The following AXIN1 variants were observed in gnomAD, a reference collection of about 807,000 sequenced individuals.
AXIN1 encodes axin 1.
A neutral mutation model predicts 76.4 loss-of-function variants in AXIN1; 30 were observed. That is an observed-to-expected ratio of 0.39 (90% CI 0.29 to 0.53). The LOEUF is 0.53. Ranked by LOEUF, AXIN1 falls within the 20% of genes least tolerant of loss-of-function variation. AXIN1 has a pLI of 0.66. For synonymous variants in AXIN1, 545 were observed against 501.4 expected (o/e 1.09, Z -1.16); for missense variants, 1,140 against 1,198.8 (o/e 0.95, Z 0.72).
chr16:339,335 C>T (rs1264106919), intron 2 of AXIN1, among the ~76,000 whole-genome samples: 2 of 147,380 alleles, frequency 1.4e-5, no homozygotes, highest in Non-Finnish European at 3.0e-5. Context: ...AACCCCGTCT[C>T]TACTAAAAAT....
rs780227196 is a variant in AXIN1 at position 298,089 on chromosome 16, C to T, written c.1417G>A (p.Glu473Lys). ...HEENPESILDEHVQRVLRTPG... is the reference protein window; with the variant it reads ...HEENPESILDKHVQRVLRTPG... ...GTCCTCAGCACACGCTGTACGTGCT[C>T]GTCCAGGATGCTCTCAGGGTTCTCC... The change falls in exon 6 of 11, where the codon GAG (glutamate) becomes AAG (lysine). Residue 473 changes from glutamate (E) to lysine (K), a missense_variant. Transcript: ENST00000262320. 4.5e-6 allele frequency: 7 copies of T among 1,553,598 alleles called. No homozygotes were observed. The highest frequency in any genetic ancestry group is 6.1e-6 in the Non-Finnish European group (7 of 1,153,304).
In AXIN1 at chr16:315,556, G is replaced by A. The variant is rs922568393; in HGVS notation, c.879-873C>T. Among the ~76,000 whole-genome samples, 4 of 152,128 alleles carry A rather than the reference G, an allele frequency of 2.6e-5. No individual in the cohort carries two copies. The East Asian group carries it at 5.8e-4, about 22-fold the overall frequency. ...CTATGAAATCAGACAGGCCGGGTGC[G>A]GTGGCTCATGCCTTTAATCCCAGCA... On this transcript the variant is annotated intron_variant, in intron 2 of 10. Transcript: ENST00000262320.
chr16:296,934 G>C, intron 7 of AXIN1, 122 bp downstream of exon 7: 1 of 1,223,834 alleles, frequency 8.2e-7, no homozygotes, highest in Non-Finnish European at 1.2e-6. Context: ...AGTGACAGGG[G>C]AAGTGTGAGG....
At chr16:349,234 G>T (rs576767003) in intron 1 of AXIN1, among the ~76,000 whole-genome samples, 1 of 152,292 alleles carries the variant, frequency 6.6e-6, no homozygotes, top group Admixed American at 6.5e-5. Context: ...AACGCTGCTG[G>T]GTAGTATGTC....
chr16:322,935 C>T (rs1284083676), intron 2 of AXIN1, among the ~76,000 whole-genome samples: 1 of 152,216 alleles, frequency 6.6e-6, no homozygotes, highest in Non-Finnish European at 1.5e-5. Context: ...GGAAGGGGCT[C>T]TGGCACCAGA....
Position 346,588 on chromosome 16 carries a change from T to G in AXIN1, c.438A>C (p.Arg146=). 1.6e-5 allele frequency: 25 copies of G among 1,609,124 alleles called. No homozygotes were observed. Among genetic ancestry groups the G allele is most frequent in the Non-Finnish European group, 2.0e-5 (23 of 1,176,508 alleles). The part of the protein sequence containing the change: ...KRLKLARAIY[R]KYILDNNGIV... ...TGCCATTGTTATCAAGAATGTACTT[T>G]CGGTAGATGGCTCTCGCCAGCTTCA... Residue 146 remains arginine, a synonymous_variant, in exon 2 of 11, where the codon CGA becomes CGC. Transcript: ENST00000262320.
At chr16:332,076 G>A (rs1484422088) in intron 2 of AXIN1, among the ~76,000 whole-genome samples, 1 of 152,104 alleles carries the variant, frequency 6.6e-6, no homozygotes, top group Non-Finnish European at 1.5e-5. Context: ...ATGGCCTGAC[G>A]CCTGACACAG....
In AXIN1 at chr16:326,311, A is replaced by G. The variant is rs552982088; in HGVS notation, c.879-11628T>C. Among the ~76,000 whole-genome samples, 1,067 of 138,374 alleles carry G rather than the reference A, an allele frequency of 7.7e-3. 9 individuals are homozygous for G. Among genetic ancestry groups the G allele is most frequent in the Non-Finnish European group, 0.012 (771 of 65,098 alleles). The allele number at this position is 138,374 out of a possible 152,430, so 90.8% of individuals were successfully genotyped here. A position where few individuals can be genotyped will look rare whatever the true frequency, so the allele number is the denominator to read the frequency against. On this transcript the variant is annotated intron_variant, in intron 2 of 10. Transcript: ENST00000262320. ...AGAGGTTGCAGTGAGCCACAATCAC[A>G]CCACTGCACTCCAGCCTGGGCAACA... is the stretch of plus-strand genomic sequence containing the variant.
chr16:294,178 C>T (rs929271549), intron 7 of AXIN1, among the ~76,000 whole-genome samples: 5 of 151,830 alleles, frequency 3.3e-5, no homozygotes, highest in African/African-American at 1.2e-4. Flanking sequence ...AAAAAGACAA[C>T]AAAAAACCAA....
At chr16:313,828 G>T (rs371989416) in intron 3 of AXIN1, among the ~76,000 whole-genome samples, 2 of 152,220 alleles carry the variant, frequency 1.3e-5, no homozygotes, top group Non-Finnish European at 2.9e-5. Flanking sequence ...AAACAAGCAC[G>T]TTCCTACACA....
chr16:325,161 AC>A (rs2053553756), intron 2 of AXIN1, among the ~76,000 whole-genome samples: 1 of 152,014 alleles, frequency 6.6e-6, no homozygotes. Context: ...GCGGCCCCGC[AC>A]CCCAGGAAAC....
At chr16:346,050 G>T in intron 2 of AXIN1, 98 bp downstream of exon 2, 2 of 1,204,776 alleles carry the variant, frequency 1.7e-6, no homozygotes, top group Non-Finnish European at 2.4e-6. Flanking sequence ...CAGGACATCC[G>T]GTGTGGGTTA....
Position 288,164 on chromosome 16 carries a change from G to A in AXIN1, c.2547C>T (p.Val849=), listed in dbSNP as rs2141459274. Residue 849 remains valine, a synonymous_variant, in exon 11 of 11, where the codon GTC becomes GTT. Transcript: ENST00000262320. ...CTTTGCCGATGATCTTCTCCTCAAA[G>A]ACGGGCAGGACGGCCTCGTCCTCTC... The part of the protein sequence containing the change: ...EVREDEAVLP[V]FEEKIIGKVE... The A allele has an allele frequency of 6.2e-7, 1 of 1,613,654 alleles. No individual in the cohort carries two copies. The highest frequency in any genetic ancestry group is 8.5e-7 in the Non-Finnish European group (1 of 1,180,016).
At position 298,351 on chromosome 16, in the gene AXIN1, G is replaced by A. The variant is rs112503242; in HGVS notation, c.1255-100C>T. 1.2e-4 allele frequency: 175 copies of A among 1,500,858 alleles called. 1 individual carries two copies. In the African/African-American group the frequency reaches 1.4e-3, roughly 12 times the overall value. 93.0% of individuals were successfully genotyped at this position (1,500,858 alleles called of 1,614,324 possible). On this transcript the variant is annotated intron_variant, in intron 5 of 10. Transcript: ENST00000262320. ...TGACCCAGCAGCCCCAGCAGATGCCGTCCCAGCCCAGGGTGGCCGGGGGCC... is the reference window on the plus strand; with the variant it reads ...TGACCCAGCAGCCCCAGCAGATGCCATCCCAGCCCAGGGTGGCCGGGGGCC...
Position 298,117 on chromosome 16 carries a change from G to A in AXIN1, c.1389C>T (p.His463=), listed in dbSNP as rs1217389555. The stretch of plus-strand genomic sequence containing the variant: ...CCAGGATGCTCTCAGGGTTCTCCTC[G>A]TGTGCATCCCGGAGCCCGGCACAGC... The part of the protein sequence containing the change: ...DMGCAGLRDA[H]EENPESILDE... Residue 463 remains histidine (H), a synonymous_variant, in exon 6 of 11, where the codon CAC becomes CAT. Transcript: ENST00000262320. 6 of 1,546,408 alleles carry A rather than the reference G, an allele frequency of 3.9e-6. No homozygotes were observed. Among genetic ancestry groups the A allele is most frequent in the Admixed American group, 1.9e-5 (1 of 51,684 alleles).
chr16:290,039 T>G (rs903801913), intron 9 of AXIN1: 2 of 266,816 alleles, frequency 7.5e-6, no homozygotes, highest in Admixed American at 5.0e-5. Flanking sequence ...CAGCGAAGTT[T>G]GTCGGAGGAC....
intron 2 of AXIN1, among the ~76,000 whole-genome samples, chr16:334,872 A>C (rs985919550): frequency 6.6e-6 from 1 of 152,316 alleles, no homozygotes; most frequent in East Asian, 1.9e-4. Context: ...CACAGCACCC[A>C]GTACCATGGC....
At position 291,227 on chromosome 16, in the gene AXIN1, C is replaced by T. The variant is rs1362608628; in HGVS notation, c.2257G>A (p.Val753Ile). 2 of 1,588,954 alleles carry T rather than the reference C, an allele frequency of 1.3e-6. No individual in the cohort carries two copies. Among genetic ancestry groups the T allele is most frequent in the Admixed American group, 3.6e-5 (2 of 55,616 alleles). ...AGCTCCATGTCCGACACGGCTGGTA[C>T]CACGTGCAGCACCGGCGCGCACGCT... ...RPACAPVLHV[V>I]PAVSDMELSE... The change falls in exon 9 of 11, where the codon GTA becomes ATA. Residue 753 changes from valine (V) to isoleucine (I), a missense_variant. This residue lies in a region of AXIN1 where 429 missense variants were observed against 405.8 expected (regional missense o/e 1.06). Transcript: ENST00000262320.
At chr16:289,025 G>T (rs1164634779) in intron 10 of AXIN1, among the ~76,000 whole-genome samples, 1 of 152,180 alleles carries the variant, frequency 6.6e-6, no homozygotes, top group Admixed American at 6.5e-5. Context: ...GCTTGGAGAA[G>T]TGGCTTTAGT....
Sources: allele counts gnomAD v4.1 joint callset (sites outside exome capture counted in the v4.1 genomes callset), GRCh38; gene constraint gnomAD v4.1.1; regional missense constraint gnomAD v4.1.1; transcripts MANE v1.5; gene names NCBI Gene and HGNC (gene_info 2026-07-23, HGNC 2026-07-21).